The following HCN2 variants were observed in gnomAD, a reference collection of about 807,000 sequenced individuals.
HCN2 encodes hyperpolarization activated cyclic nucleotide gated potassium and sodium channel 2, also known as potassium/sodium hyperpolarization-activated cyclic nucleotide-gated channel 2.
HCN2 carries 20 observed loss-of-function variants against 52.3 expected under a neutral mutation model. That is an observed-to-expected ratio of 0.38 (90% CI 0.27 to 0.56). The LOEUF (loss-of-function observed/expected upper bound fraction) is 0.56. Ranked by LOEUF, HCN2 falls within the 20% of genes least tolerant of loss-of-function variation. The pLI, the probability that HCN2 is intolerant of heterozygous loss-of-function variation, is 0.71. For missense variants in HCN2, 981 were observed against 1,207.7 expected (o/e 0.81, Z 2.78); for synonymous variants, 694 against 537.0 (o/e 1.29, Z -4.04).
At chr19:604,723 C>G (rs1212747338) in intron 2 of HCN2, among the ~76,000 whole-genome samples, 1 of 92,280 alleles carries the variant, frequency 1.1e-5, no homozygotes, top group Non-Finnish European at 2.2e-5. Flanking sequence ...CAGGGCCAGA[C>G]ATCAGGGGTG....
chr19:606,344 G>A (rs544949440), intron 3 of HCN2, among the ~76,000 whole-genome samples: 13 of 151,722 alleles, frequency 8.6e-5, no homozygotes, highest in African/African-American at 2.7e-4. Flanking sequence ...CAGGTGATCC[G>A]CCTGCCTCGG....
chr19:598,055 C>CTGAGCTCCACGG (rs1402815904), intron 1 of HCN2, among the ~76,000 whole-genome samples: 3 of 152,194 alleles, frequency 2.0e-5, no homozygotes, highest in African/African-American at 7.2e-5. Flanking sequence ...GAGGCTGGGG[C>CTGAGCTCCACGG]TGAGCTCCAC....
In HCN2 at chr19:612,427, T is replaced by TGTGTGTGTGTGGGA; in HGVS notation, c.1585-820_1585-819insTGTGTGTGTGGGAG. ...GTGTGTGTGTGTGTGTGTGTGTGTGTGAGAGAGAGATGGAGTCTCGCTCTG... is the reference window on the plus strand; with the variant it reads ...GTGTGTGTGTGTGTGTGTGTGTGTGTGTGTGTGTGTGGGAGAGAGAGAGATGGAGTCTCGCTCTG... On this transcript the variant is annotated intron_variant, in intron 5 of 7. Transcript: ENST00000251287. Among the ~76,000 whole-genome samples the TGTGTGTGTGTGGGA allele has an allele frequency of 6.6e-3, 944 of 142,354 alleles. 5 individuals are homozygous for TGTGTGTGTGTGGGA. Among genetic ancestry groups the TGTGTGTGTGTGGGA allele is most frequent in the Non-Finnish European group, 0.01 (673 of 65,274 alleles). 93.4% of individuals were successfully genotyped at this position (142,354 alleles called of 152,430 possible).
chr19:594,908 C>T (rs767579024), intron 1 of HCN2, among the ~76,000 whole-genome samples: 25 of 152,168 alleles, frequency 1.6e-4, no homozygotes, highest in African/African-American at 2.7e-4. Context: ...TGCTCGAAAA[C>T]GGACATCTTT....
Position 617,101 on chromosome 19 carries a change from C to CCCCCCCCCTTT in HCN2, c.*627_*628insCCCCCCCCTTT. ...CAGCAGTGCCCCCACCGTGGCCCCC[C>CCCCCCCCCTTT]ACGCCCCATTAACCCCCACACCCCC... On this transcript the variant is annotated 3_prime_UTR_variant, in exon 8 of 8. Transcript: ENST00000251287. 1.9e-6 allele frequency: 1 copy of CCCCCCCCCTTT among 518,766 alleles called. No individual in the cohort carries two copies. The highest frequency in any genetic ancestry group is 3.5e-6 in the Non-Finnish European group (1 of 285,494). The allele number at this position is 518,766 out of a possible 1,614,324, so 32.1% of individuals were successfully genotyped here.
intron 3 of HCN2, 99 bp downstream of exon 3, chr19:605,321 C>T (rs1459232048): frequency 9.1e-7 from 1 of 1,096,558 alleles, no homozygotes; most frequent in East Asian, 2.7e-5. Context: ...TGAACCCAAG[C>T]CTTTCAGAGG....
At position 610,416 on chromosome 19, in the gene HCN2, CGCCGGGCGGGCGGGAGGCA is replaced by C; in HGVS notation, c.1584+15_1584+33del. 1.2e-6 allele frequency: 2 copies of C among 1,610,624 alleles called. No individual in the cohort carries two copies. Among genetic ancestry groups the C allele is most frequent in the Non-Finnish European group, 1.7e-6 (2 of 1,178,234 alleles). ...GGGCCCCTGCGGGAGGTGAGGCGGG[CGCCGGGCGGGCGGGAGGCA>C]GCCTCCGGTACAGGGCCGGCCTCCC... On this transcript the variant is annotated intron_variant, in intron 5 of 7. Transcript: ENST00000251287.
intron 5 of HCN2, among the ~76,000 whole-genome samples, chr19:612,440 G>T (rs139868433): frequency 0.012 from 1,746 of 151,628 alleles, 16 homozygotes; most frequent in Middle Eastern, 0.027. Flanking sequence ...GAGAGAGATG[G>T]AGTCTCGCTC....
intron 5 of HCN2, 110 bp downstream of exon 5, chr19:610,515 C>A: frequency 1.0e-6 from 1 of 954,890 alleles, no homozygotes; most frequent in Non-Finnish European, 1.6e-6. Flanking sequence ...TAGGCTGCAG[C>A]AGGAGGGACT....
intron 3 of HCN2, 75 bp downstream of exon 3, chr19:605,297 C>G: frequency 1.4e-6 from 2 of 1,409,000 alleles, no homozygotes; most frequent in Non-Finnish European, 1.9e-6. Flanking sequence ...CCCCTTATCC[C>G]GCTTACAGAG....
intron 1 of HCN2, among the ~76,000 whole-genome samples, chr19:600,332 C>G (rs1239070169): frequency 6.6e-6 from 1 of 152,060 alleles, no homozygotes; most frequent in Non-Finnish European, 1.5e-5. Flanking sequence ...GCCACCACGC[C>G]CGGCTAATTT....
chr19:593,493 G>A (rs1480701480), intron 1 of HCN2, among the ~76,000 whole-genome samples: 2 of 152,206 alleles, frequency 1.3e-5, no homozygotes, highest in Non-Finnish European at 2.9e-5. Context: ...CGTGACGAGC[G>A]CCTGTAATCC....
intron 5 of HCN2, among the ~76,000 whole-genome samples, 195 bp downstream of exon 5, chr19:610,600 C>T (rs546019356): frequency 6.1e-4 from 93 of 152,288 alleles, no homozygotes; most frequent in Middle Eastern, 3.4e-3. Context: ...CCGCCACCCC[C>T]GCCTTGCTTC....
chr19:601,696 C>T (rs923326486), intron 1 of HCN2, among the ~76,000 whole-genome samples: 8 of 152,080 alleles, frequency 5.3e-5, no homozygotes, highest in East Asian at 1.9e-4. Flanking sequence ...AGGAGCCACC[C>T]GTGTTTGCTC....
Position 589,995 on chromosome 19 carries a change from C to A in HCN2, c.50C>A (p.Thr17Asn). Residue 17 changes from threonine (T) to asparagine (N), a missense_variant, in exon 1 of 8, where the codon ACC becomes AAC. By Grantham distance (65) the Thr-to-Asn change is moderately conservative (BLOSUM62 0). This residue lies in a region of HCN2 where 215 missense variants were observed against 179.4 expected (regional missense o/e 1.20). Transcript: ENST00000251287. ...GGRPGESPGA[T>N]PAPGPPPPPP... ...CGGCCCGGGGAGAGCCCGGGCGCGA[C>A]CCCCGCGCCGGGGCCGCCGCCGCCG... 4.1e-6 allele frequency: 3 copies of A among 728,850 alleles called. No individual in the cohort carries two copies. The highest frequency in any genetic ancestry group is 4.9e-6 in the Non-Finnish European group (3 of 608,184). 45.1% of individuals were successfully genotyped at this position (728,850 alleles called of 1,614,324 possible).
intron 1 of HCN2, among the ~76,000 whole-genome samples, chr19:599,623 CAAAAAAAAA>C (rs78398568): frequency 7.8e-6 from 1 of 127,612 alleles, no homozygotes; most frequent in Non-Finnish European, 1.7e-5. Context: ...ACTAAAAATA[CAAAAAAAAA>C]AAAAAATTAT....
At chr19:595,674 CGCCCGGCGAGAGTTCGGTGAACATCT>C (rs1222336397) in intron 1 of HCN2, among the ~76,000 whole-genome samples, 1 of 152,208 alleles carries the variant, frequency 6.6e-6, no homozygotes, top group Non-Finnish European at 1.5e-5. Flanking sequence ...TGTGCCCCGG[CGCCCGGCGAGAGTTCGGTGAACATCT>C]GCCCCGTCGG....
intron 7 of HCN2, 138 bp downstream of exon 7, chr19:614,154 G>T: frequency 1.6e-6 from 1 of 644,980 alleles, no homozygotes; most frequent in East Asian, 3.2e-5. Flanking sequence ...GGGCAGAGAC[G>T]TGGCCAAGGC....
Position 590,005 on chromosome 19 carries a change from G to A in HCN2, c.60G>A (p.Pro20=). 3.0e-6 allele frequency: 2 copies of A among 668,698 alleles called. No homozygotes were observed. The highest frequency in any genetic ancestry group is 1.8e-6 in the Non-Finnish European group (1 of 555,100). 41.4% of individuals were successfully genotyped at this position (668,698 alleles called of 1,614,324 possible). The change falls in exon 1 of 8, where the codon CCG becomes CCA. Residue 20 remains proline (P), a synonymous_variant. Transcript: ENST00000251287. This position sits in a 1 kb window ranked among gnomAD's most constrained non-coding sequence, Gnocchi z 7.2. ...PGESPGATPA[P]GPPPPPPPAP... ...AGAGCCCGGGCGCGACCCCCGCGCC[G>A]GGGCCGCCGCCGCCGCCGCCGCCCG...
Sources: allele counts gnomAD v4.1 joint callset (sites outside exome capture counted in the v4.1 genomes callset), GRCh38; gene constraint gnomAD v4.1.1; regional missense constraint gnomAD v4.1.1; non-coding constraint Gnocchi (gnomAD v3.1); transcripts MANE v1.5; gene names NCBI Gene and HGNC (gene_info 2026-07-23, HGNC 2026-07-21).